Variants in SLC24A2 observed in about 807,000 individuals in gnomAD.
SLC24A2 encodes the protein sodium/potassium/calcium exchanger 2.
In SLC24A2, 36 loss-of-function variants were observed where a neutral mutation model predicts 62.0. The observed-to-expected ratio is 0.58, with a 90% CI of 0.44 to 0.77. The LOEUF (loss-of-function observed/expected upper bound fraction) is 0.77, where lower values mean the gene tolerates loss of function less well. Among genes scored for constraint, SLC24A2 ranks in the 30% least tolerant of loss-of-function variants. The pLI, the probability that SLC24A2 is intolerant of heterozygous loss-of-function variation, is 0.00. For synonymous variants in SLC24A2, 358 were observed against 294.0 expected (o/e 1.22, Z -2.23); for missense variants, 846 against 817.9 (o/e 1.03, Z -0.42).
chr9:19,798,628 C>CACT, the SLC24A2 span, among the ~76,000 whole-genome samples: 1 of 124,550 alleles, frequency 8.0e-6, no homozygotes, highest in African/African-American at 3.1e-5. Flanking sequence ...ACACACACAC[C>CACT]CCTGGAAATT....
intron 5 of SLC24A2, among the ~76,000 whole-genome samples, chr9:19,595,479 G>C (rs1160406619): frequency 6.6e-6 from 1 of 152,148 alleles, no homozygotes; most frequent in African/African-American, 2.4e-5. Context: ...GGGTGACCCA[G>C]GGAGGGCCCC....
the SLC24A2 span, among the ~76,000 whole-genome samples, chr9:20,226,699 T>C: frequency 6.6e-6 from 1 of 152,114 alleles, no homozygotes; most frequent in African/African-American, 2.4e-5. Context: ...TTCATATTCC[T>C]GTCTCGTCAT....
At chr9:19,866,315 G>T in the SLC24A2 span, among the ~76,000 whole-genome samples, 1 of 152,118 alleles carries the variant, frequency 6.6e-6, no homozygotes, top group Non-Finnish European at 1.5e-5. Flanking sequence ...ACTAAAAATA[G>T]AACTAGCATA....
chr9:20,188,174 C>T, the SLC24A2 span, among the ~76,000 whole-genome samples: 3 of 152,176 alleles, frequency 2.0e-5, no homozygotes, highest in South Asian at 2.1e-4. Flanking sequence ...AGTGTCCATG[C>T]GACAAGGTGC....
the SLC24A2 span, among the ~76,000 whole-genome samples, chr9:19,823,326 T>C: frequency 6.6e-6 from 1 of 151,196 alleles, no homozygotes; most frequent in Non-Finnish European, 1.5e-5. Context: ...TGTGTGTGTG[T>C]GTATTCACAA....
intron 3 of SLC24A2, 36 bp from the exon 4 acceptor site, chr9:19,619,728 G>A: frequency 6.7e-7 from 1 of 1,499,432 alleles, no homozygotes; most frequent in Non-Finnish European, 9.3e-7. Flanking sequence ...TTAGTCTCAG[G>A]AATGAAAGAC....
chr9:19,687,431 C>G (rs182085626), intron 2 of SLC24A2, among the ~76,000 whole-genome samples: 1 of 151,972 alleles, frequency 6.6e-6, no homozygotes, highest in Non-Finnish European at 1.5e-5. Context: ...GTGATAGACT[C>G]GAAGGTGAAA....
At chr9:20,079,688 A>G in the SLC24A2 span, among the ~76,000 whole-genome samples, 1 of 152,218 alleles carries the variant, frequency 6.6e-6, no homozygotes, top group Non-Finnish European at 1.5e-5. Context: ...TGGAACCTGT[A>G]GCAACTGTGA....
chr9:19,611,867 A>G (rs985509574), intron 4 of SLC24A2, among the ~76,000 whole-genome samples: 3 of 152,146 alleles, frequency 2.0e-5, no homozygotes, highest in Non-Finnish European at 4.4e-5. Context: ...TCCTGGGAAA[A>G]TAGATTTCCC....
the SLC24A2 span, among the ~76,000 whole-genome samples, chr9:20,084,851 C>T: frequency 4.6e-5 from 7 of 152,266 alleles, no homozygotes; most frequent in African/African-American, 1.7e-4. Flanking sequence ...TTCTTCTTTT[C>T]AGGAATCTAG....
At chr9:19,723,758 GAAGCA>G (rs1207069160) in intron 2 of SLC24A2, among the ~76,000 whole-genome samples, 1 of 151,860 alleles carries the variant, frequency 6.6e-6, no homozygotes, top group Non-Finnish European at 1.5e-5. Flanking sequence ...TCCAGGGCCA[GAAGCA>G]AAGAGAGAAA....
At chr9:19,527,937 G>A in intron 9 of SLC24A2, 112 bp downstream of exon 9, 1 of 739,270 alleles carries the variant, frequency 1.4e-6, no homozygotes, top group Non-Finnish European at 2.4e-6. Context: ...ACTCGTCTGT[G>A]TCACACCCAA....
the SLC24A2 span, among the ~76,000 whole-genome samples, chr9:19,937,976 G>A: frequency 6.6e-6 from 1 of 151,988 alleles, no homozygotes; most frequent in Admixed American, 6.6e-5. Context: ...TACATGAAAA[G>A]AAGAAAACAG....
intron 8 of SLC24A2, among the ~76,000 whole-genome samples, chr9:19,542,797 T>C (rs190137341): frequency 3.0e-4 from 46 of 152,290 alleles, no homozygotes; most frequent in African/African-American, 1.0e-3. Flanking sequence ...ACCTTGATGG[T>C]GGTGCATAAG....
chr9:19,818,246 C>T, the SLC24A2 span, among the ~76,000 whole-genome samples: 1 of 152,052 alleles, frequency 6.6e-6, no homozygotes, highest in South Asian at 2.1e-4. Context: ...CTCCTACCTG[C>T]TACAAGGTGC....
At chr9:20,103,566 G>A in the SLC24A2 span, among the ~76,000 whole-genome samples, 60 of 152,244 alleles carry the variant, frequency 3.9e-4, no homozygotes, top group Admixed American at 6.5e-4. Context: ...TGCAGCCACC[G>A]CTGCTGATTC....
At chr9:19,835,567 T>C in the SLC24A2 span, among the ~76,000 whole-genome samples, 1 of 152,134 alleles carries the variant, frequency 6.6e-6, no homozygotes, top group Non-Finnish European at 1.5e-5. Context: ...AGCACCCAGA[T>C]TCATAAAGCA....
At chr9:20,054,873 T>G in the SLC24A2 span, among the ~76,000 whole-genome samples, 1 of 152,232 alleles carries the variant, frequency 6.6e-6, no homozygotes, top group Non-Finnish European at 1.5e-5. Context: ...TGTTGCCTCC[T>G]CCACCTTCAT....
intron 2 of SLC24A2, among the ~76,000 whole-genome samples, chr9:19,715,227 T>C (rs961618786): frequency 2.0e-5 from 3 of 152,204 alleles, no homozygotes; most frequent in Non-Finnish European, 4.4e-5. Flanking sequence ...GTGTTTTGTA[T>C]AGTATTTGCA....
Sources: gnomAD v4.1 joint callset for allele counts (sites outside exome capture counted in the v4.1 genomes callset) on GRCh38, gnomAD v4.1.1 for gene constraint, MANE v1.5 for transcripts, NCBI Gene and HGNC (gene_info 2026-07-23, HGNC 2026-07-21) for gene names.